Variants in HLA-DQA1 observed in about 807,000 individuals in gnomAD.
The protein encoded by HLA-DQA1 is major histocompatibility complex, class II, DQ alpha 1.
In HLA-DQA1, 10 loss-of-function variants were observed where a neutral mutation model predicts 20.7. The observed-to-expected ratio is 0.48, with a 90% confidence interval of 0.30 to 0.82. The LOEUF (loss-of-function observed/expected upper bound fraction) is 0.82, where lower values mean the gene tolerates loss of function less well. Ranked by LOEUF, HLA-DQA1 falls within the 40% of genes least tolerant of loss-of-function variation. The pLI, the probability that HLA-DQA1 is intolerant of heterozygous loss-of-function variation, is 0.07. For missense variants in HLA-DQA1, 127 were observed against 293.0 expected, an observed-to-expected ratio of 0.43 and a Z score of 4.14; for synonymous variants, 39 against 109.2, an observed-to-expected ratio of 0.36 and a Z score of 4.01.
In HLA-DQA1 at chr6:32,641,324, T is replaced by A; in HGVS notation, c.97T>A (p.Ser33Thr). ...TCACTCATCAGCTGACCACGTTGCC[T>A]CTTGTGGTGTAAACTTGTACCAGTT... ...GEDIVADHVA[S>T]CGVNLYQFYG... Residue 33 changes from serine to threonine, a missense_variant, in exon 2 of 5, where the codon TCT becomes ACT. Transcript: ENST00000343139. 8.0e-7 allele frequency: 1 copy of A among 1,245,910 alleles called. No individual in the cohort carries two copies. The highest frequency in any genetic ancestry group is 1.1e-6 in the Non-Finnish European group (1 of 896,824). 77.2% of individuals were successfully genotyped at this position (1,245,910 alleles called of 1,614,324 possible).
Position 32,641,426 on chromosome 6 carries a change from A to G in HLA-DQA1, c.199A>G (p.Thr67Ala), listed in dbSNP as rs41543221. Reference protein sequence around the residue: ...QFYVDLERKETAWRWPEFSKF... With the variant: ...QFYVDLERKEAAWRWPEFSKF... Reference sequence around the variant, plus strand: ...CTACGTGGACCTGGAGAGGAAGGAGACTGCCTGGCGGTGGCCTGAGTTCAG... The same window carrying G: ...CTACGTGGACCTGGAGAGGAAGGAGGCTGCCTGGCGGTGGCCTGAGTTCAG... Residue 67 changes from threonine to alanine, a missense_variant, in exon 2 of 5, where the codon ACT becomes GCT. Thr to Ala is a moderately conservative substitution (Grantham distance 58, BLOSUM62 0). Around this residue, in one of 4 missense-constraint regions of HLA-DQA1, gnomAD observed 15 missense variants for 56.2 expected, o/e 0.27. Coordinates refer to ENST00000343139, the MANE Select transcript of HLA-DQA1 (RefSeq NM_002122.5). 1.5e-4 allele frequency: 165 copies of G among 1,070,518 alleles called. 54 individuals are homozygous for G. Among genetic ancestry groups the G allele is most frequent in the Non-Finnish European group, 1.9e-4 (148 of 772,236 alleles). The allele number at this position is 1,070,518 out of a possible 1,614,324, so 66.3% of individuals were successfully genotyped here. A position where few individuals can be genotyped will look rare whatever the true frequency, so the allele number is the denominator to read the frequency against.
the HLA-DQA1 span, among the ~76,000 whole-genome samples, chr6:32,655,150 T>C: frequency 0.31 from 30,986 of 100,750 alleles, 4,548 homozygotes; most frequent in Middle Eastern, 0.39. Context: ...CAAAAAGTCA[T>C]GTAGTACCCT....
In HLA-DQA1 at chr6:32,641,539, C is replaced by G. The variant is rs767673676; in HGVS notation, c.312C>G (p.Asn104Lys). 4.9e-6 allele frequency: 5 copies of G among 1,028,722 alleles called. 2 individuals carry two copies. Among genetic ancestry groups the G allele is most frequent in the Non-Finnish European group, 6.7e-6 (5 of 747,082 alleles). 63.7% of individuals were successfully genotyped at this position (1,028,722 alleles called of 1,614,324 possible). ...HNLNIMIKRY[N>K]STAATNEVPE... Reference sequence around the variant, plus strand: ...TGAACATCATGATTAAACGCTACAACTCTACCGCTGCTACCAATGGTATGC... The same window carrying G: ...TGAACATCATGATTAAACGCTACAAGTCTACCGCTGCTACCAATGGTATGC... The change falls in exon 2 of 5, where the codon AAC becomes AAG. Residue 104 changes from asparagine (N) to lysine (K), a missense_variant. Asn to Lys is a moderately conservative substitution (Grantham distance 94). Coordinates refer to ENST00000343139, the MANE Select transcript of HLA-DQA1 (RefSeq NM_002122.5).
intron 1 of HLA-DQA1, among the ~76,000 whole-genome samples, chr6:32,641,100 AGC>A (rs1781360020): frequency 8.7e-6 from 1 of 114,298 alleles, no homozygotes; most frequent in Admixed American, 1.0e-4. Flanking sequence ...GCCCTTGTGT[AGC>A]GCACACTAGA....
At chr6:32,640,860 C>T (rs1781339947) in intron 1 of HLA-DQA1, among the ~76,000 whole-genome samples, 1 of 110,260 alleles carries the variant, frequency 9.1e-6, no homozygotes, top group African/African-American at 3.3e-5. Context: ...CTATTCTGAG[C>T]CAGTCCTGAG....
rs1781449162 is a variant in HLA-DQA1 at position 32,641,869 on chromosome 6, A to T, written c.332-103A>T. 6 of 731,106 alleles carry T rather than the reference A, an allele frequency of 8.2e-6. 1 individual carries two copies. Among genetic ancestry groups the T allele is most frequent in the Non-Finnish European group, 1.3e-5 (6 of 476,944 alleles). The allele number at this position is 731,106 out of a possible 1,614,324, so 45.3% of individuals were successfully genotyped here. A position where few individuals can be genotyped will look rare whatever the true frequency, so the allele number is the denominator to read the frequency against. On this transcript the variant is annotated intron_variant, in intron 2 of 4. Transcript: ENST00000343139. Reference sequence around the variant, plus strand: ...GAAGGTAAATAAGACCTCTTTGACTATCAGGTGGTGAAATGCTGGTAGGAG... The same window carrying T: ...GAAGGTAAATAAGACCTCTTTGACTTTCAGGTGGTGAAATGCTGGTAGGAG...
chr6:32,640,544 A>T, intron 1 of HLA-DQA1, among the ~76,000 whole-genome samples: 1 of 48,994 alleles, frequency 2.0e-5, no homozygotes, highest in Admixed American at 3.2e-4. Context: ...ACATTTAGTA[A>T]TCTCCTTCAC....
intron 1 of HLA-DQA1, among the ~76,000 whole-genome samples, chr6:32,638,259 A>C (rs1164384557): frequency 3.4e-5 from 4 of 116,444 alleles, no homozygotes; most frequent in Non-Finnish European, 7.5e-5. Flanking sequence ...CTTTAGCAAA[A>C]TAAGGGATCA....
At chr6:32,652,464 G>A in the HLA-DQA1 span, among the ~76,000 whole-genome samples, 68,353 of 126,434 alleles carry the variant, frequency 0.54, 19,720 homozygotes, top group Middle Eastern at 0.7. Context: ...AAGAATCCAG[G>A]AAACTGAATT....
chr6:32,653,957 G>C, the HLA-DQA1 span, among the ~76,000 whole-genome samples: 8,588 of 69,694 alleles, frequency 0.12, 1,294 homozygotes, highest in Admixed American at 0.17. Context: ...CACAGCAGGT[G>C]GGGAAATGGG....
rs1021976140 is a variant in HLA-DQA1, at chr6:32,637,517, C to G, written c.59C>G (p.Pro20Arg). The change falls in exon 1 of 5, where the codon CCC becomes CGC. Residue 20 changes from proline (P) to arginine (R), a missense_variant. Transcript: ENST00000343139. ...CTCGCTCTGACCACCGTGATGAGCC[C>G]CTGTGGAGGTGAAGACATTGTGGGT... ...GALALTTVMS[P>R]CGGEDIVADH... 1.7e-6 allele frequency: 2 copies of G among 1,175,280 alleles called. No homozygotes were observed. 72.8% of individuals were successfully genotyped at this position (1,175,280 alleles called of 1,614,324 possible).
At chr6:32,647,146 T>C (rs1198449315), downstream of HLA-DQA1, 2 of 151,688 alleles carry the variant, frequency 1.3e-5, no homozygotes, top group Non-Finnish European at 2.9e-5. Context: ...TGCCCATGAA[T>C]TGAGTATTGT....
chr6:32,654,920 C>A, the HLA-DQA1 span, among the ~76,000 whole-genome samples: 10,167 of 88,278 alleles, frequency 0.12, 3,727 homozygotes, highest in East Asian at 0.32. Flanking sequence ...GTAGTCCCAG[C>A]TATTTGGGAG....
downstream of HLA-DQA1, chr6:32,646,084 A>G (rs1246712006): frequency 9.6e-6 from 1 of 104,402 alleles, no homozygotes. Flanking sequence ...CTAATTCTAA[A>G]AAATAAGAGT....
downstream of HLA-DQA1, among the ~76,000 whole-genome samples, chr6:32,651,411 T>C (rs527589011): frequency 7.9e-4 from 64 of 80,608 alleles, 17 homozygotes; most frequent in Middle Eastern, 0.033. Flanking sequence ...GGTGAAACCC[T>C]GTCTCTACTA....
the HLA-DQA1 span, among the ~76,000 whole-genome samples, chr6:32,652,661 A>G: frequency 6.9e-6 from 1 of 145,946 alleles, no homozygotes; most frequent in African/African-American, 2.5e-5. Flanking sequence ...CTTTGACGAT[A>G]TTGAAAAAAG....
rs1781596967 is a variant in HLA-DQA1 at position 32,643,077 on chromosome 6, T to G, written c.*146T>G. Reference sequence around the variant, plus strand: ...CTCCTCTCACCTTTTCTCTGGGACTTAAGCTGCTATATCCCCTCAGAGCTC... The same window carrying G: ...CTCCTCTCACCTTTTCTCTGGGACTGAAGCTGCTATATCCCCTCAGAGCTC... On this transcript the variant is annotated 3_prime_UTR_variant, in exon 5 of 5. Transcript: ENST00000343139. 2.7e-6 allele frequency: 1 copy of G among 374,336 alleles called. No individual in the cohort carries two copies. Among genetic ancestry groups the G allele is most frequent in the African/African-American group, 2.5e-5 (1 of 39,772 alleles). 23.2% of individuals were successfully genotyped at this position (374,336 alleles called of 1,614,324 possible). A position where few individuals can be genotyped will look rare whatever the true frequency, so the allele number is the denominator to read the frequency against.
chr6:32,639,013 TA>T lies in HLA-DQA1; in HGVS notation c.82+1474del, dbSNP rs1449840512. ...TTAAAAGGGGAAGTGAACTGGAAGG[TA>T]CTTTAAACTTTCACAACTTTATTAA... On this transcript the variant is annotated intron_variant, in intron 1 of 4. Coordinates refer to ENST00000343139, the MANE Select transcript of HLA-DQA1 (RefSeq NM_002122.5). 2.5e-3 allele frequency: 790 copies of T among 314,834 alleles called. 18 individuals carry two copies. Among genetic ancestry groups the T allele is most frequent in the Admixed American group, 6.4e-3 (158 of 24,734 alleles). 19.5% of individuals were successfully genotyped at this position (314,834 alleles called of 1,614,324 possible).
intron 1 of HLA-DQA1, among the ~76,000 whole-genome samples, chr6:32,637,844 T>C (rs1781001125): frequency 8.3e-6 from 1 of 120,064 alleles, no homozygotes; most frequent in African/African-American, 3.1e-5. Flanking sequence ...TTTCCATCAG[T>C]GGATAATTTT....
Sources: allele counts gnomAD v4.1 joint callset (sites outside exome capture counted in the v4.1 genomes callset), GRCh38; gene constraint gnomAD v4.1.1; regional missense constraint gnomAD v4.1.1; transcripts MANE v1.5; gene names NCBI Gene and HGNC (gene_info 2026-07-23, HGNC 2026-07-21).